Variants in VPS8 observed in about 807,000 individuals in gnomAD.
The protein encoded by VPS8 is VPS8 subunit of CORVET complex.
In VPS8, 129 loss-of-function variants were observed where a neutral mutation model predicts 216.4. The ratio of observed to expected loss-of-function variants is 0.60; its 90% CI spans 0.52 to 0.69. The LOEUF (loss-of-function observed/expected upper bound fraction) is 0.69, where lower values mean the gene tolerates loss of function less well. Ranked by LOEUF, VPS8 falls within the 30% of genes least tolerant of loss-of-function variation. VPS8 has a pLI of 0.00. For missense variants in VPS8, 1,531 were observed against 1,683.5 expected, an observed-to-expected ratio of 0.91 and a Z score of 1.59; for synonymous variants, 571 against 565.4, an observed-to-expected ratio of 1.01 and a Z score of -0.14.
chr3:184,915,971 C>T (rs763428449), intron 28 of VPS8, among the ~76,000 whole-genome samples: 1 of 152,060 alleles, frequency 6.6e-6, no homozygotes, highest in Non-Finnish European at 1.5e-5. Flanking sequence ...CCCTTTCCCT[C>T]TTCCTCCCTC....
At chr3:184,865,511 A>T (rs1237757177) in intron 16 of VPS8, among the ~76,000 whole-genome samples, 5 of 152,172 alleles carry the variant, frequency 3.3e-5, no homozygotes, top group Non-Finnish European at 7.4e-5. Flanking sequence ...ATCATTAGGT[A>T]TTAGGGAAAT....
In VPS8 at chr3:184,853,917, A is replaced by T; in HGVS notation, c.882A>T (p.Glu294Asp). Residue 294 changes from glutamate to aspartate, a missense_variant, in exon 12 of 48, where the codon GAA becomes GAT. Transcript: ENST00000625842. ...GTCTGTTCAGTGGTTCCAAGGGTGA[A>T]GTCTGCTGTATTGAGCCTCTGCATT... is the stretch of plus-strand genomic sequence containing the variant. ...SRCLFSGSKG[E>D]VCCIEPLHSK... 6.2e-7 allele frequency: 1 copy of T among 1,610,362 alleles called. No individual in the cohort carries two copies. The highest frequency in any genetic ancestry group is 2.2e-5 in the East Asian group (1 of 44,798).
chr3:184,860,157 A>G lies in VPS8; in HGVS notation c.1224+92A>G, dbSNP rs951601429. The G allele has an allele frequency of 3.7e-6, 4 of 1,078,628 alleles. No homozygotes were observed. In the Admixed American group the frequency reaches 6.3e-5, roughly 17 times the overall value. The allele number at this position is 1,078,628 out of a possible 1,614,324, so 66.8% of individuals were successfully genotyped here. ...AAAGCTACCAGGATTTCTGCCAAGAATTATTACCTTTAAGATCATATGAAA... is the reference window on the plus strand; with the variant it reads ...AAAGCTACCAGGATTTCTGCCAAGAGTTATTACCTTTAAGATCATATGAAA... On this transcript the variant is annotated intron_variant, in intron 15 of 47. Coordinates refer to ENST00000625842, the MANE Select transcript of VPS8 (RefSeq NM_001009921.3).
chr3:184,838,046 C>T (rs1721452375), intron 5 of VPS8, among the ~76,000 whole-genome samples: 1 of 152,156 alleles, frequency 6.6e-6, no homozygotes, highest in Non-Finnish European at 1.5e-5. Flanking sequence ...GATACTCTTA[C>T]ATATTTATTT....
intron 45 of VPS8, among the ~76,000 whole-genome samples, chr3:185,013,630 G>A (rs1755360072): frequency 6.6e-6 from 1 of 152,134 alleles, no homozygotes; most frequent in South Asian, 2.1e-4. Flanking sequence ...CCTAAATTTT[G>A]ATCTTATTAA....
In VPS8 at chr3:184,913,527, G is replaced by A; in HGVS notation, c.2155G>A (p.Val719Ile). The A allele has an allele frequency of 1.3e-6, 2 of 1,587,500 alleles. No homozygotes were observed. The highest frequency in any genetic ancestry group is 1.7e-6 in the Non-Finnish European group (2 of 1,167,704). The change falls in exon 26 of 48, where the codon GTT (valine) becomes ATT (isoleucine). Residue 719 changes from valine (V) to isoleucine (I), a missense_variant. This residue lies in a region of VPS8 where 1,318 missense variants were observed against 1,468.4 expected (regional missense o/e 0.90). Transcript: ENST00000625842. ...TTCTCTTTCTATTTTAGATGAACAA[G>A]TTGTTATGGGCAATAAGCTCCTTGT... ...NAGKTLTDEQVVMGNKLLVYI... is the reference protein window; with the variant it reads ...NAGKTLTDEQIVMGNKLLVYI...
At chr3:184,870,688 T>A in intron 20 of VPS8, 28 bp from the exon 21 acceptor site, 1 of 1,545,878 alleles carries the variant, frequency 6.5e-7, no homozygotes, top group Middle Eastern at 1.7e-4. Flanking sequence ...TATATTTTAA[T>A]GTCTATGCCA....
At chr3:185,031,007 G>A (rs574208833) in intron 46 of VPS8, among the ~76,000 whole-genome samples, 1 of 141,436 alleles carries the variant, frequency 7.1e-6, no homozygotes, top group African/African-American at 2.7e-5. Flanking sequence ...TGCTGCTCAT[G>A]TCAGCAATAT....
chr3:184,973,071 G>A (rs1359076185), intron 40 of VPS8, among the ~76,000 whole-genome samples: 1 of 152,192 alleles, frequency 6.6e-6, no homozygotes, highest in East Asian at 1.9e-4. Flanking sequence ...TCTTTAGAAT[G>A]TAAATTGTGT....
intron 4 of VPS8, 75 bp downstream of exon 4, chr3:184,832,894 T>A: frequency 1.3e-6 from 2 of 1,487,244 alleles, no homozygotes; most frequent in Non-Finnish European, 1.8e-6. Context: ...TTGTACTTTT[T>A]AAAGTACAAT....
chr3:185,021,463 T>C (rs1254362780), intron 45 of VPS8, among the ~76,000 whole-genome samples: 1 of 152,220 alleles, frequency 6.6e-6, no homozygotes, highest in Admixed American at 6.5e-5. Flanking sequence ...GTCTGCAGAT[T>C]CTTTCATGAG....
intron 5 of VPS8, among the ~76,000 whole-genome samples, chr3:184,836,737 G>A (rs1369423172): frequency 2.0e-5 from 3 of 152,116 alleles, no homozygotes; most frequent in African/African-American, 7.2e-5. Flanking sequence ...CTGAATAATT[G>A]CTCAATAGTG....
At chr3:184,812,589 G>A (rs901362187) in intron 1 of VPS8, 4 of 152,276 alleles carry the variant, frequency 2.6e-5, no homozygotes, top group African/African-American at 9.6e-5. Flanking sequence ...TGACTCCGGT[G>A]ATGTATTTGT....
chr3:184,966,841 T>A, intron 39 of VPS8, 128 bp downstream of exon 39: 1 of 564,434 alleles, frequency 1.8e-6, no homozygotes, highest in Non-Finnish European at 2.8e-6. Flanking sequence ...TTTATTCATT[T>A]TAACATGGAT....
intron 45 of VPS8, among the ~76,000 whole-genome samples, chr3:185,013,038 G>C (rs1008288811): frequency 6.6e-6 from 1 of 152,198 alleles, no homozygotes; most frequent in African/African-American, 2.4e-5. Context: ...GATGGGTCTG[G>C]CTCCTTACTT....
At chr3:184,970,788 G>A (rs879864113) in intron 39 of VPS8, among the ~76,000 whole-genome samples, 9 of 152,182 alleles carry the variant, frequency 5.9e-5, no homozygotes, top group Non-Finnish European at 1.0e-4. Context: ...GTATATAAGA[G>A]GATGAGGGAG....
intron 22 of VPS8, among the ~76,000 whole-genome samples, chr3:184,887,507 A>G (rs1049050914): frequency 6.6e-6 from 1 of 151,838 alleles, no homozygotes; most frequent in South Asian, 2.1e-4. Flanking sequence ...TATAACAGTG[A>G]GGTAGGGATT....
intron 1 of VPS8, among the ~76,000 whole-genome samples, chr3:184,815,488 T>G (rs1716117961): frequency 1.3e-5 from 2 of 152,144 alleles, no homozygotes; most frequent in Admixed American, 1.3e-4. Context: ...AACGTCTTTT[T>G]GGGGCACATG....
At chr3:184,943,050 G>C (rs140476084) in intron 36 of VPS8, among the ~76,000 whole-genome samples, 1 of 152,070 alleles carries the variant, frequency 6.6e-6, no homozygotes, top group Non-Finnish European at 1.5e-5. Flanking sequence ...ACCCCATTCC[G>C]TTCCCTTCTT....
Sources: allele counts gnomAD v4.1 joint callset (sites outside exome capture counted in the v4.1 genomes callset), GRCh38; gene constraint gnomAD v4.1.1; regional missense constraint gnomAD v4.1.1; transcripts MANE v1.5; gene names NCBI Gene and HGNC (gene_info 2026-07-23, HGNC 2026-07-21).